The following KIT variants were observed in gnomAD, a reference collection of about 807,000 sequenced individuals.
KIT encodes the protein KIT proto-oncogene, receptor tyrosine kinase.
In KIT, 16 loss-of-function variants were observed where a neutral mutation model predicts 105.7. The observed-to-expected ratio is 0.15, with a 90% CI of 0.10 to 0.23. KIT has a LOEUF of 0.23. Among genes scored for constraint, KIT ranks in the 10% least tolerant of loss-of-function variants. The pLI, the probability that KIT is intolerant of heterozygous loss-of-function variation, is 1.00. For synonymous variants in KIT, 438 were observed against 441.1 expected, an observed-to-expected ratio of 0.99 and a Z score of 0.09; for missense variants, 858 against 1,213.8, an observed-to-expected ratio of 0.71 and a Z score of 4.36.
At chr4:54,664,100 T>C (rs1717501853) in intron 1 of KIT, among the ~76,000 whole-genome samples, 2 of 152,120 alleles carry the variant, frequency 1.3e-5, no homozygotes. Flanking sequence ...AGATCAGGAA[T>C]CAGTAAGAGC....
intron 7 of KIT, among the ~76,000 whole-genome samples, chr4:54,711,115 A>G (rs1040493923): frequency 4.6e-5 from 7 of 152,072 alleles, no homozygotes; most frequent in Admixed American, 4.6e-4. Context: ...TCCTGGACTA[A>G]AGCGATCCTT....
chr4:54,691,490 C>A (rs1719703043), intron 1 of KIT, among the ~76,000 whole-genome samples: 1 of 152,014 alleles, frequency 6.6e-6, no homozygotes, highest in Non-Finnish European at 1.5e-5. Flanking sequence ...GGGACACAGG[C>A]AGAAGGGATG....
intron 1 of KIT, among the ~76,000 whole-genome samples, chr4:54,667,573 T>G (rs975041270): frequency 1.3e-5 from 2 of 152,120 alleles, no homozygotes; most frequent in African/African-American, 2.4e-5. Flanking sequence ...TGGAATTTGG[T>G]CAAGATGTGA....
Position 54,736,526 on chromosome 4 carries a change from C to A in KIT, c.2513C>A (p.Pro838His). 1 of 1,613,982 alleles carries A rather than the reference C, an allele frequency of 6.2e-7. No individual in the cohort carries two copies. The highest frequency in any genetic ancestry group is 2.2e-5 in the East Asian group (1 of 44,890). Reference protein sequence around the residue: ...NARLPVKWMAPESIFNCVYTF... With the variant: ...NARLPVKWMAHESIFNCVYTF... ...CGACTACCTGTGAAGTGGATGGCACCTGAAAGCATTTTCAACTGTGTATAC... is the reference window on the plus strand; with the variant it reads ...CGACTACCTGTGAAGTGGATGGCACATGAAAGCATTTTCAACTGTGTATAC... The change falls in exon 18 of 21, where the codon CCT becomes CAT. Residue 838 changes from proline to histidine, a missense_variant. Pro to His is a moderately conservative substitution (Grantham distance 77, BLOSUM62 -2). Transcript: ENST00000288135.
In KIT at chr4:54,699,761, A is replaced by G. The variant is rs2109679563; in HGVS notation, c.751A>G (p.Ser251Gly). 1.2e-6 allele frequency: 2 copies of G among 1,613,740 alleles called. No individual in the cohort carries two copies. The highest frequency in any genetic ancestry group is 2.2e-5 in the South Asian group (2 of 91,050). The change falls in exon 4 of 21, where the codon AGT becomes GGT. Residue 251 changes from serine to glycine, a missense_variant. Around this residue, in one of 7 missense-constraint regions of KIT, gnomAD observed 401 missense variants for 601.0 expected, o/e 0.67. Transcript: ENST00000288135. The stretch of plus-strand genomic sequence containing the variant: ...GTACTCAACGTGGAAAAGAGAAAAC[A>G]GTCAGGTGAGTGAATCGCTTCATTC... ...SVYSTWKREN[S>G]QTKLQEKYNS...
At chr4:54,702,942 C>T (rs1240630792) in intron 4 of KIT, among the ~76,000 whole-genome samples, 1 of 152,070 alleles carries the variant, frequency 6.6e-6, no homozygotes, top group Non-Finnish European at 1.5e-5. Context: ...GTGTACATTA[C>T]AGAAAATTTG....
At chr4:54,726,636 T>C (rs1432079406) in intron 9 of KIT, among the ~76,000 whole-genome samples, 1 of 151,950 alleles carries the variant, frequency 6.6e-6, no homozygotes, top group Non-Finnish European at 1.5e-5. Context: ...CTTCTTGGGG[T>C]TTTGTTTGTT....
chr4:54,659,111 C>T (rs977303886), intron 1 of KIT, among the ~76,000 whole-genome samples: 1 of 151,816 alleles, frequency 6.6e-6, no homozygotes, highest in Non-Finnish European at 1.5e-5. Context: ...GATTCGTGAC[C>T]GCCCGCCTCC....
rs763853854 is a variant in KIT at position 54,699,672 on chromosome 4, A to G, written c.662A>G (p.Tyr221Cys). The change falls in exon 4 of 21, where the codon TAT becomes TGT. Residue 221 changes from tyrosine to cysteine, a missense_variant. Transcript: ENST00000288135. ...GTTGTGTCTGTGTCCAAAGCAAGCTATCTTCTTAGGGAAGGGGAAGAATTC... is the reference window on the plus strand; with the variant it reads ...GTTGTGTCTGTGTCCAAAGCAAGCTGTCTTCTTAGGGAAGGGGAAGAATTC... ...VPVVSVSKAS[Y>C]LLREGEEFTV... The G allele has an allele frequency of 6.2e-7, 1 of 1,614,036 alleles. No individual in the cohort carries two copies. The highest frequency in any genetic ancestry group is 8.5e-7 in the Non-Finnish European group (1 of 1,179,904).
intron 16 of KIT, 141 bp downstream of exon 16, chr4:54,732,139 A>T: frequency 1.0e-6 from 1 of 979,686 alleles, no homozygotes; most frequent in South Asian, 1.6e-5. Flanking sequence ...AACCAAAAGC[A>T]GAGGAAATTT....
chr4:54,736,363 A>T (rs1722924324), intron 17 of KIT, 135 bp from the exon 18 acceptor site: 1 of 735,280 alleles, frequency 1.4e-6, no homozygotes, highest in African/African-American at 1.7e-5. Flanking sequence ...TCATATAGGT[A>T]AAAGGTTTTT....
At chr4:54,726,142 T>C (rs1722205212) in intron 9 of KIT, 92 bp downstream of exon 9, 1 of 1,023,058 alleles carries the variant, frequency 9.8e-7, no homozygotes, top group Non-Finnish European at 1.5e-6. Context: ...ATTGACCATG[T>C]CATTTCTGGT....
chr4:54,704,558 T>C (rs571369405), intron 5 of KIT, among the ~76,000 whole-genome samples: 90 of 152,240 alleles, frequency 5.9e-4, no homozygotes, highest in Middle Eastern at 3.4e-3. Flanking sequence ...TTCTCTACTC[T>C]AGAAATTTCA....
chr4:54,673,085 T>G (rs2109575803), intron 1 of KIT, among the ~76,000 whole-genome samples: 1 of 152,350 alleles, frequency 6.6e-6, no homozygotes, highest in African/African-American at 2.4e-5. Context: ...TTTTCCACCT[T>G]TATTCTTTAA....
chr4:54,694,092 G>T (rs1036816342), intron 1 of KIT, among the ~76,000 whole-genome samples: 1 of 152,140 alleles, frequency 6.6e-6, no homozygotes, highest in Non-Finnish European at 1.5e-5. Flanking sequence ...TTTACACCCA[G>T]AAGTTCAGGA....
At chr4:54,729,714 T>G (rs1236914062) in intron 14 of KIT, among the ~76,000 whole-genome samples, 1 of 152,204 alleles carries the variant, frequency 6.6e-6, no homozygotes, top group Non-Finnish European at 1.5e-5. Flanking sequence ...TTCAGTTTTC[T>G]TCTACACTTT....
At chr4:54,672,948 C>T (rs1180853845) in intron 1 of KIT, among the ~76,000 whole-genome samples, 4 of 152,278 alleles carry the variant, frequency 2.6e-5, no homozygotes, top group African/African-American at 9.6e-5. Context: ...CTTATCTTTG[C>T]TTGGATACCT....
chr4:54,661,610 CT>C (rs2109535156), intron 1 of KIT, among the ~76,000 whole-genome samples: 1 of 152,302 alleles, frequency 6.6e-6, no homozygotes, highest in South Asian at 2.1e-4. Context: ...GAAATGCTTT[CT>C]TTTGCTGCAT....
At chr4:54,688,587 T>C (rs1489238066) in intron 1 of KIT, among the ~76,000 whole-genome samples, 2 of 152,202 alleles carry the variant, frequency 1.3e-5, no homozygotes, top group African/African-American at 4.8e-5. Flanking sequence ...TAGAAAGACC[T>C]TGCAGTCATG....
Sources: gnomAD v4.1 joint callset for allele counts (sites outside exome capture counted in the v4.1 genomes callset) on GRCh38, gnomAD v4.1.1 for gene constraint, gnomAD v4.1.1 regional missense constraint, MANE v1.5 for transcripts, NCBI Gene and HGNC (gene_info 2026-07-23, HGNC 2026-07-21) for gene names.